Variants in MAF observed in about 807,000 individuals in gnomAD.
MAF encodes MAF bZIP transcription factor.
A neutral mutation model predicts 22.0 loss-of-function variants in MAF; 10 were observed. The observed-to-expected ratio is 0.45, with a 90% CI of 0.28 to 0.77. The LOEUF (loss-of-function observed/expected upper bound fraction) is 0.77. MAF is among the 30% of genes least tolerant of loss of function. The probability of loss-of-function intolerance (pLI) is 0.12; values close to 1 mark genes in which losing one functional copy is unlikely to be tolerated. For missense variants in MAF, 544 were observed against 548.4 expected (o/e 0.99, Z 0.08); for synonymous variants, 337 against 255.8 (o/e 1.32, Z -3.03).
chr16:79,430,434 G>T, the MAF span, among the ~76,000 whole-genome samples: 1 of 152,282 alleles, frequency 6.6e-6, no homozygotes, highest in South Asian at 2.1e-4. Flanking sequence ...TTCTCCAAAA[G>T]ACACACTCCC....
At chr16:79,493,907 G>T in the MAF span, among the ~76,000 whole-genome samples, 17 of 141,098 alleles carry the variant, frequency 1.2e-4, no homozygotes, top group Admixed American at 7.8e-4. Context: ...CATGGAACTG[G>T]TTTTTTTTTT....
the MAF span, among the ~76,000 whole-genome samples, chr16:79,350,404 A>C: frequency 6.6e-6 from 1 of 152,192 alleles, no homozygotes; most frequent in Non-Finnish European, 1.5e-5. Context: ...GCTGTGGACA[A>C]ACGAAATTCT....
chr16:79,280,271 G>T, the MAF span, among the ~76,000 whole-genome samples: 2 of 152,216 alleles, frequency 1.3e-5, no homozygotes, highest in Non-Finnish European at 2.9e-5. Context: ...TGTAAATGCC[G>T]GGAGAAGAGA....
At chr16:79,525,017 T>G in the MAF span, among the ~76,000 whole-genome samples, 1 of 152,196 alleles carries the variant, frequency 6.6e-6, no homozygotes, top group African/African-American at 2.4e-5. Flanking sequence ...TTTAAAAAAT[T>G]GGACCCATTC....
the MAF span, among the ~76,000 whole-genome samples, chr16:79,511,614 C>A: frequency 6.6e-6 from 1 of 152,224 alleles, no homozygotes; most frequent in African/African-American, 2.4e-5. Context: ...GGCTTCCCAG[C>A]AGCCTGATCC....
At chr16:79,456,198 C>T in the MAF span, among the ~76,000 whole-genome samples, 1 of 152,068 alleles carries the variant, frequency 6.6e-6, no homozygotes, top group African/African-American at 2.4e-5. Flanking sequence ...ACAGAGCCTG[C>T]CTGCTAACAT....
chr16:79,437,939 G>T, the MAF span, among the ~76,000 whole-genome samples: 1 of 152,142 alleles, frequency 6.6e-6, no homozygotes, highest in Non-Finnish European at 1.5e-5. Flanking sequence ...GGGGCTGCTG[G>T]CCTGGGCTTC....
chr16:79,405,099 C>G, the MAF span, among the ~76,000 whole-genome samples: 1 of 152,130 alleles, frequency 6.6e-6, no homozygotes, highest in Non-Finnish European at 1.5e-5. Flanking sequence ...TCAATGATCT[C>G]GAATACTCCC....
the MAF span, among the ~76,000 whole-genome samples, chr16:79,306,837 G>C: frequency 2.0e-5 from 3 of 152,168 alleles, 1 homozygote; most frequent in South Asian, 6.2e-4. Flanking sequence ...GTACATTTCT[G>C]TGCCTTAACT....
chr16:79,485,383 T>C, the MAF span, among the ~76,000 whole-genome samples: 1 of 152,220 alleles, frequency 6.6e-6, no homozygotes, highest in Non-Finnish European at 1.5e-5. Context: ...CACCCATTTG[T>C]TGTGATTTTA....
intron 1 of MAF, 111 bp from the exon 2 acceptor site, chr16:79,594,664 C>T: frequency 1.3e-6 from 2 of 1,515,406 alleles, no homozygotes; most frequent in Non-Finnish European, 1.8e-6. Flanking sequence ...AATTTAGAGA[C>T]TTATTGTAAT....
chr16:79,487,826 T>C, the MAF span, among the ~76,000 whole-genome samples: 1 of 152,102 alleles, frequency 6.6e-6, no homozygotes, highest in Admixed American at 6.5e-5. Flanking sequence ...TAAGAATCCC[T>C]CCCCCTTGCT....
At chr16:79,259,712 C>A in the MAF span, among the ~76,000 whole-genome samples, 110 of 152,212 alleles carry the variant, frequency 7.2e-4, 1 homozygote, top group Middle Eastern at 3.4e-3. Flanking sequence ...GTACAGGGGG[C>A]AGGACTGCTG....
chr16:79,424,655 T>G, the MAF span, among the ~76,000 whole-genome samples: 6 of 152,166 alleles, frequency 3.9e-5, no homozygotes, highest in African/African-American at 1.4e-4. Context: ...ATTGCTGGAG[T>G]AGCCAGCTGG....
At chr16:79,242,122 A>T in the MAF span, among the ~76,000 whole-genome samples, 1 of 152,030 alleles carries the variant, frequency 6.6e-6, no homozygotes, top group Non-Finnish European at 1.5e-5. Flanking sequence ...CACTATGAAG[A>T]AACTGCAGCA....
the MAF span, among the ~76,000 whole-genome samples, chr16:79,288,434 G>A: frequency 6.6e-6 from 1 of 152,160 alleles, no homozygotes; most frequent in Admixed American, 6.5e-5. Flanking sequence ...AGGCCATGTG[G>A]ACAGAGAGTG....
At chr16:79,314,208 A>G in the MAF span, among the ~76,000 whole-genome samples, 1 of 152,176 alleles carries the variant, frequency 6.6e-6, no homozygotes, top group East Asian at 1.9e-4. Context: ...ATGAGGAAAT[A>G]TGGAGATTTA....
the MAF span, among the ~76,000 whole-genome samples, chr16:79,557,881 T>C: frequency 2.6e-5 from 4 of 151,512 alleles, no homozygotes; most frequent in Middle Eastern, 3.4e-3. Context: ...CTTAAATCCA[T>C]GGCTCAAAAC....
chr16:79,595,654 A>G (rs1008891063), intron 1 of MAF: 1 of 1,057,894 alleles, frequency 9.5e-7, no homozygotes, highest in East Asian at 5.2e-5. Context: ...TCTTTAAGTC[A>G]GCCCCCATAC....
Sources: gnomAD v4.1 joint callset for allele counts (sites outside exome capture counted in the v4.1 genomes callset) on GRCh38, gnomAD v4.1.1 for gene constraint, MANE v1.5 for transcripts, NCBI Gene and HGNC (gene_info 2026-07-23, HGNC 2026-07-21) for gene names.